ZNF609: variants seen among roughly 807,000 people sequenced by gnomAD.
ZNF609 encodes zinc finger protein 609.
Under a neutral mutation model 109.5 loss-of-function variants are expected in ZNF609, and 11 were observed. That is an observed-to-expected ratio of 0.10 (90% CI 0.06 to 0.17). The LOEUF is 0.17. Ranked by LOEUF, ZNF609 falls within the 10% of genes least tolerant of loss-of-function variation. The pLI is 1.00. For synonymous variants in ZNF609, 646 were observed against 662.0 expected (o/e 0.98, Z 0.37); for missense variants, 1,559 against 1,772.4 (o/e 0.88, Z 2.16).
At position 64,500,138 on chromosome 15, in the gene ZNF609, G is replaced by A. The variant is rs200335819; in HGVS notation, c.719G>A (p.Arg240His). 23 of 1,613,482 alleles carry A rather than the reference G, an allele frequency of 1.4e-5. No homozygotes were observed. Among genetic ancestry groups the A allele is most frequent in the African/African-American group, 4.0e-5 (3 of 74,854 alleles). ...CCAGAGGAAGGGGAGAATGAGTGTC[G>A]CCTGCTAAAGAAAGTCAAGTCTGAA... The part of the protein sequence containing the change: ...PEPEEGENEC[R>H]LLKKVKSEKM... Residue 240 changes from arginine to histidine, a missense_variant, in exon 2 of 10, where the codon CGC becomes CAC. Arg to His is a conservative substitution (Grantham distance 29, BLOSUM62 0). Around this residue, in one of 4 missense-constraint regions of ZNF609, gnomAD observed 291 missense variants for 317.8 expected, o/e 0.92. Transcript: ENST00000326648.
At chr15:64,498,078 C>T (rs1407609236) in intron 1 of ZNF609, among the ~76,000 whole-genome samples, 1 of 151,972 alleles carries the variant, frequency 6.6e-6, no homozygotes, top group Admixed American at 6.6e-5. Context: ...GAGACAGAGT[C>T]TTACTCTGTC....
intron 2 of ZNF609, among the ~76,000 whole-genome samples, chr15:64,567,257 G>T (rs991353612): frequency 6.6e-6 from 1 of 152,076 alleles, no homozygotes; most frequent in African/African-American, 2.4e-5. Context: ...AGGCCGAGGC[G>T]TGTGGATCAT....
rs531393572 is a variant in ZNF609, at chr15:64,597,277, CCT to C, written c.748-25548_748-25547del. The stretch of plus-strand genomic sequence containing the variant: ...TAGCTGGCAGACGGGCACTTTTCCT[CCT>C]CAGTTACTGTCAAAGCAACATGAAG... On this transcript the variant is annotated intron_variant, in intron 2 of 9. Transcript: ENST00000326648. Among the ~76,000 whole-genome samples, 324 of 152,248 alleles carry C rather than the reference CCT, an allele frequency of 2.1e-3. 4 individuals are homozygous for C. The highest frequency in any genetic ancestry group is 6.4e-3 in the South Asian group (31 of 4,820).
intron 3 of ZNF609, among the ~76,000 whole-genome samples, chr15:64,661,577 A>G (rs1196702473): frequency 2.0e-5 from 3 of 152,244 alleles, no homozygotes; most frequent in Non-Finnish European, 4.4e-5. Context: ...GCAAATGCTG[A>G]TGTTTCCATT....
intron 2 of ZNF609, among the ~76,000 whole-genome samples, chr15:64,537,165 G>A (rs143054701): frequency 0.013 from 1,977 of 151,902 alleles, 33 homozygotes; most frequent in African/African-American, 0.046. Context: ...GGAGATTACA[G>A]TGAGTCGAGA....
intron 2 of ZNF609, among the ~76,000 whole-genome samples, chr15:64,531,079 A>G (rs1478752269): frequency 1.3e-5 from 2 of 152,186 alleles, no homozygotes; most frequent in Non-Finnish European, 1.5e-5. Context: ...TTTAATACCT[A>G]TAGCTCTCCT....
rs200425813 is a variant in ZNF609 at position 64,630,091 on chromosome 15, C to CTTTTTTTT, written c.973+7045_973+7046insTTTTTTTT. 4.7e-4 allele frequency among the ~76,000 whole-genome samples: 67 copies of CTTTTTTTT among 143,056 alleles called. 2 individuals carry two copies. The highest frequency in any genetic ancestry group is 6.5e-4 in the South Asian group (3 of 4,592). 93.9% of individuals were successfully genotyped at this position (143,056 alleles called of 152,430 possible). A position where few individuals can be genotyped will look rare whatever the true frequency, so the allele number is the denominator to read the frequency against. On this transcript the variant is annotated intron_variant, in intron 3 of 9. Coordinates refer to ENST00000326648, the MANE Select transcript of ZNF609 (RefSeq NM_015042.2). The stretch of plus-strand genomic sequence containing the variant: ...CCTACATTACCATCCTCCTAATTTT[C>CTTTTTTTT]TTTTTTCTTTTTTTTTTTTTTTTTG...
intron 2 of ZNF609, among the ~76,000 whole-genome samples, chr15:64,599,125 G>C (rs1895450254): frequency 7.0e-6 from 1 of 141,872 alleles, no homozygotes. Flanking sequence ...TTCCTGTAGT[G>C]CTGGCAACTG....
chr15:64,460,294 GA>G (rs1314260966), upstream of ZNF609, among the ~76,000 whole-genome samples: 10 of 152,150 alleles, frequency 6.6e-5, no homozygotes, highest in Non-Finnish European at 1.0e-4. Context: ...GATCCAGCGA[GA>G]GTTCTACTGC....
intron 2 of ZNF609, among the ~76,000 whole-genome samples, chr15:64,585,335 C>G (rs1161874429): frequency 6.6e-6 from 1 of 151,912 alleles, no homozygotes; most frequent in African/African-American, 2.4e-5. Flanking sequence ...AAAAAAAAAT[C>G]CAACCTGAGC....
At chr15:64,524,920 C>A (rs1177605976) in intron 2 of ZNF609, among the ~76,000 whole-genome samples, 1 of 152,110 alleles carries the variant, frequency 6.6e-6, no homozygotes, top group South Asian at 2.1e-4. Flanking sequence ...ATGGCTGTGC[C>A]ATTTTACATT....
At chr15:64,505,744 A>ATCAAAG (rs1296544133) in intron 2 of ZNF609, among the ~76,000 whole-genome samples, 1 of 152,238 alleles carries the variant, frequency 6.6e-6, no homozygotes, top group Non-Finnish European at 1.5e-5. Context: ...TGCTATATAC[A>ATCAAAG]TCAAAGTTTG....
At chr15:64,486,383 G>T (rs771551684) in intron 1 of ZNF609, among the ~76,000 whole-genome samples, 12 of 152,066 alleles carry the variant, frequency 7.9e-5, no homozygotes, top group Non-Finnish European at 1.8e-4. Context: ...AATTAGCCGG[G>T]TGTGGCGACG....
In ZNF609 at chr15:64,604,739, A is replaced by G. The variant is rs1249479688; in HGVS notation, c.748-18088A>G. Among the ~76,000 whole-genome samples, 4 of 152,270 alleles carry G rather than the reference A, an allele frequency of 2.6e-5. No homozygotes were observed. In the East Asian group the frequency reaches 7.7e-4, roughly 29 times the overall value. On this transcript the variant is annotated intron_variant, in intron 2 of 9. Transcript: ENST00000326648. ...ATTAGTTTAGGCAGGGTTTCAAATA[A>G]TCCCATCAGGATTCTGTCTTTGCTT...
chr15:64,681,882 C>T lies in ZNF609; in HGVS notation c.*196C>T, dbSNP rs2083211524. On this transcript the variant is annotated 3_prime_UTR_variant, in exon 10 of 10. Transcript: ENST00000326648. Reference sequence around the variant, plus strand: ...CCGGACTACCTGACCCTACCTCTTCCTCAGGAGCTGGAGAGCTGGTACTTA... The same window carrying T: ...CCGGACTACCTGACCCTACCTCTTCTTCAGGAGCTGGAGAGCTGGTACTTA... The T allele has an allele frequency of 6.5e-6, 1 of 153,968 alleles. No homozygotes were observed. Among genetic ancestry groups the T allele is most frequent in the African/African-American group, 2.4e-5 (1 of 41,488 alleles). The allele number at this position is 153,968 out of a possible 1,614,324, so 9.5% of individuals were successfully genotyped here.
chr15:64,503,219 G>A (rs1295903999), intron 2 of ZNF609, among the ~76,000 whole-genome samples: 3 of 152,202 alleles, frequency 2.0e-5, no homozygotes, highest in African/African-American at 7.2e-5. Context: ...CTCTGACAGA[G>A]TGAGCTCTGT....
At chr15:64,609,068 CTTTCTTTCTTTCTTTCTT>C (rs1567028233) in intron 2 of ZNF609, among the ~76,000 whole-genome samples, 3 of 23,552 alleles carry the variant, frequency 1.3e-4, no homozygotes, top group African/African-American at 3.4e-4. Flanking sequence ...TTTAATTTTT[CTTTCTTTCTTTCTTTCTT>C]TCTTTCTTTC....
At chr15:64,672,006 C>CTTTTTTTTTTT (rs771330218) in intron 4 of ZNF609, among the ~76,000 whole-genome samples, 2 of 86,754 alleles carry the variant, frequency 2.3e-5, no homozygotes, top group Non-Finnish European at 4.2e-5. Context: ...GAGGCTTAGA[C>CTTTTTTTTTTT]TTTTTTTTTT....
intron 1 of ZNF609, among the ~76,000 whole-genome samples, chr15:64,461,231 G>T: frequency 9.1e-6 from 1 of 109,848 alleles, no homozygotes; most frequent in Non-Finnish European, 2.1e-5. Context: ...GGGGGGGCGG[G>T]GGCGGTGGTG....
Sources: allele counts gnomAD v4.1 joint callset (sites outside exome capture counted in the v4.1 genomes callset), GRCh38; gene constraint gnomAD v4.1.1; regional missense constraint gnomAD v4.1.1; transcripts MANE v1.5; gene names NCBI Gene and HGNC (gene_info 2026-07-23, HGNC 2026-07-21).